The following CTNNA3 variants were observed in gnomAD, a reference collection of about 807,000 sequenced individuals.
CTNNA3 encodes catenin alpha-3.
In CTNNA3, 76 loss-of-function variants were observed where a neutral mutation model predicts 95.7. The ratio of observed to expected loss-of-function variants is 0.79; its 90% CI spans 0.66 to 0.96. CTNNA3 has a LOEUF of 0.96. Among genes scored for constraint, CTNNA3 ranks in the 40% least tolerant of loss-of-function variants. The pLI is 0.00. For synonymous variants in CTNNA3, 431 were observed against 374.4 expected (o/e 1.15, Z -1.74); for missense variants, 1,191 against 1,089.8 (o/e 1.09, Z -1.31).
At chr10:66,635,428 T>C (rs895562897) in intron 9 of CTNNA3, among the ~76,000 whole-genome samples, 5 of 152,128 alleles carry the variant, frequency 3.3e-5, no homozygotes, top group East Asian at 3.9e-4. Context: ...TTCATTATCA[T>C]TGAAATTGCT....
chr10:66,092,965 C>G (rs918115873), intron 14 of CTNNA3, among the ~76,000 whole-genome samples: 2 of 151,722 alleles, frequency 1.3e-5, no homozygotes, highest in Non-Finnish European at 2.9e-5. Context: ...CTAAGCAATT[C>G]AGATTAGCTA....
chr10:67,261,053 T>G (rs1242945980), intron 5 of CTNNA3, among the ~76,000 whole-genome samples: 1 of 152,190 alleles, frequency 6.6e-6, no homozygotes, highest in Non-Finnish European at 1.5e-5. Context: ...ATAGAAAGCC[T>G]CAGTGGTCAT....
intron 9 of CTNNA3, among the ~76,000 whole-genome samples, chr10:66,729,209 C>T (rs1279157827): frequency 6.6e-6 from 1 of 152,190 alleles, no homozygotes; most frequent in East Asian, 1.9e-4. Context: ...AACAGCTCAA[C>T]ATCACTGATC....
chr10:66,731,788 G>A (rs1848969168), intron 9 of CTNNA3, among the ~76,000 whole-genome samples: 1 of 152,082 alleles, frequency 6.6e-6, no homozygotes, highest in Admixed American at 6.5e-5. Flanking sequence ...TACCAACAAT[G>A]GTTTATTGAG....
At chr10:67,456,223 C>T (rs1359755565) in intron 5 of CTNNA3, among the ~76,000 whole-genome samples, 1 of 151,970 alleles carries the variant, frequency 6.6e-6, no homozygotes, top group African/African-American at 2.4e-5. Flanking sequence ...ATAAAATGTA[C>T]CAAAGAGAAT....
At chr10:66,497,278 T>G (rs766788973) in intron 11 of CTNNA3, among the ~76,000 whole-genome samples, 4 of 151,958 alleles carry the variant, frequency 2.6e-5, no homozygotes, top group Non-Finnish European at 4.4e-5. Flanking sequence ...ATAAAAGTTA[T>G]AGTGCACAGT....
intron 5 of CTNNA3, among the ~76,000 whole-genome samples, chr10:67,390,884 T>G (rs1257198004): frequency 6.7e-6 from 1 of 148,942 alleles, no homozygotes; most frequent in Non-Finnish European, 1.5e-5. Flanking sequence ...CTCAATAAAT[T>G]AGGTATTGAT....
intron 3 of CTNNA3, among the ~76,000 whole-genome samples, chr10:67,543,666 A>G (rs1035059906): frequency 6.6e-6 from 1 of 152,170 alleles, no homozygotes; most frequent in Non-Finnish European, 1.5e-5. Flanking sequence ...GCATCTGTCC[A>G]AGTGATACAA....
intron 12 of CTNNA3, among the ~76,000 whole-genome samples, chr10:66,377,550 G>C (rs981738032): frequency 2.0e-5 from 3 of 151,926 alleles, no homozygotes; most frequent in Admixed American, 6.6e-5. Flanking sequence ...TGATCATAAA[G>C]TATGCTCACA....
intron 9 of CTNNA3, among the ~76,000 whole-genome samples, chr10:66,653,783 T>C (rs1845988239): frequency 6.6e-6 from 1 of 151,932 alleles, no homozygotes; most frequent in Non-Finnish European, 1.5e-5. Context: ...GAATAGACAG[T>C]CCAAAAATGA....
At chr10:66,457,128 C>T (rs2093499937) in intron 11 of CTNNA3, among the ~76,000 whole-genome samples, 1 of 152,018 alleles carries the variant, frequency 6.6e-6, no homozygotes, top group African/African-American at 2.4e-5. Context: ...ACAAAAAAAC[C>T]TTTACAACTT....
At chr10:66,121,112 T>A (rs748236208) in intron 13 of CTNNA3, among the ~76,000 whole-genome samples, 11 of 152,214 alleles carry the variant, frequency 7.2e-5, no homozygotes, top group Non-Finnish European at 1.3e-4. Context: ...AAATCTTGCC[T>A]ACTAGCCTTC....
chr10:67,018,988 G>A (rs574539451), intron 7 of CTNNA3, among the ~76,000 whole-genome samples: 24 of 152,156 alleles, frequency 1.6e-4, no homozygotes, highest in Non-Finnish European at 3.1e-4. Flanking sequence ...ACCCTTATTA[G>A]ATCATAAGTA....
Position 67,199,571 on chromosome 10 carries a change from G to A in CTNNA3, c.844-19051C>T, listed in dbSNP as rs1484684123. 6.6e-5 allele frequency among the ~76,000 whole-genome samples: 10 copies of A among 152,048 alleles called. No homozygotes were observed. The East Asian group carries it at 1.2e-3, about 18-fold the overall frequency. On this transcript the variant is annotated intron_variant, in intron 6 of 17. Coordinates refer to ENST00000433211, the MANE Select transcript of CTNNA3 (RefSeq NM_013266.4). ...TTTTTAGTAGAGACAGGGTTTCACC[G>A]TGTTAGCCAGGATGGTCTCAATCTC... is the stretch of plus-strand genomic sequence containing the variant.
intron 1 of CTNNA3, among the ~76,000 whole-genome samples, chr10:67,707,690 T>C (rs1841085968): frequency 6.6e-6 from 1 of 152,122 alleles, no homozygotes; most frequent in Non-Finnish European, 1.5e-5. Flanking sequence ...TAATACAAGG[T>C]AAGCATCAAT....
intron 7 of CTNNA3, among the ~76,000 whole-genome samples, chr10:66,955,519 T>C (rs900562584): frequency 6.6e-6 from 1 of 152,174 alleles, no homozygotes; most frequent in Admixed American, 6.6e-5. Context: ...CAGGCACTTA[T>C]CTGTTTGGCT....
Position 66,047,265 on chromosome 10 carries a change from G to A in CTNNA3, c.2159+22043C>T, listed in dbSNP as rs907318900. Among the ~76,000 whole-genome samples, 11 of 151,998 alleles carry A rather than the reference G, an allele frequency of 7.2e-5. No homozygotes were observed. In the South Asian group the frequency reaches 1.0e-3, roughly 14 times the overall value. ...TGCAAACTCAGTTCAGCAGCATGTC[G>A]AAAGACTAATCCACTATGATTAAGT... is the stretch of plus-strand genomic sequence containing the variant. On this transcript the variant is annotated intron_variant, in intron 15 of 17. Coordinates refer to ENST00000433211, the MANE Select transcript of CTNNA3 (RefSeq NM_013266.4).
chr10:66,420,838 T>TAAAA (rs71466875), intron 11 of CTNNA3, among the ~76,000 whole-genome samples: 2 of 83,000 alleles, frequency 2.4e-5, no homozygotes, highest in African/African-American at 4.1e-5. Context: ...AATAAATAAA[T>TAAAA]AAAAAACAAT....
intron 11 of CTNNA3, among the ~76,000 whole-genome samples, chr10:66,382,568 G>C (rs117893292): frequency 0.035 from 5,368 of 152,262 alleles, 133 homozygotes; most frequent in Non-Finnish European, 0.055. Flanking sequence ...GCTATGAAGA[G>C]AGCAGTGGTT....
Sources: allele counts gnomAD v4.1 joint callset (sites outside exome capture counted in the v4.1 genomes callset), GRCh38; gene constraint gnomAD v4.1.1; transcripts MANE v1.5; gene names NCBI Gene and HGNC (gene_info 2026-07-23, HGNC 2026-07-21).